The following FRMD4A variants were observed in gnomAD, a reference collection of about 807,000 sequenced individuals.
FRMD4A encodes the protein FERM domain-containing protein 4A.
Under a neutral mutation model 129.1 loss-of-function variants are expected in FRMD4A, and 29 were observed. That is an observed-to-expected ratio of 0.22 (90% CI 0.17 to 0.31). FRMD4A has a LOEUF of 0.31. FRMD4A is among the 10% of genes least tolerant of loss of function. FRMD4A has a pLI of 1.00. For missense variants in FRMD4A, 1,272 were observed against 1,375.8 expected (o/e 0.92, Z 1.19); for synonymous variants, 634 against 571.6 (o/e 1.11, Z -1.56).
chr10:14,164,442 A>G (rs1400754019), intron 2 of FRMD4A, among the ~76,000 whole-genome samples: 1 of 152,210 alleles, frequency 6.6e-6, no homozygotes. Flanking sequence ...CGGTGTCTAC[A>G]GTAAGGCTAT....
intron 2 of FRMD4A, among the ~76,000 whole-genome samples, chr10:14,323,674 C>G (rs1843152796): frequency 6.6e-6 from 1 of 152,150 alleles, no homozygotes; most frequent in Non-Finnish European, 1.5e-5. Flanking sequence ...TTTTCCCACC[C>G]CATGTAATTC....
chr10:13,804,714 CT>C (rs35111872), intron 4 of FRMD4A, among the ~76,000 whole-genome samples: 59,662 of 127,576 alleles, frequency 0.47, 12,853 homozygotes, highest in African/African-American at 0.55. Flanking sequence ...CCAGCTAATT[CT>C]TTTTTTTTTT....
In FRMD4A at chr10:13,999,499, C is replaced by T. The variant is rs866575600; in HGVS notation, c.46-140587G>A. The stretch of plus-strand genomic sequence containing the variant: ...TATACTTCTAACCCTTATTGGTTTT[C>T]CTCATTAATGTTCCAATAGAGTGAT... On this transcript the variant is annotated intron_variant, in intron 2 of 24. Coordinates refer to ENST00000357447, the MANE Select transcript of FRMD4A (RefSeq NM_018027.5). Among the ~76,000 whole-genome samples, 3 of 152,278 alleles carry T rather than the reference C, an allele frequency of 2.0e-5. No individual in the cohort carries two copies. The East Asian group carries it at 5.8e-4, about 29-fold the overall frequency.
chr10:13,802,353 G>A (rs1192060171), intron 4 of FRMD4A, among the ~76,000 whole-genome samples: 1 of 152,182 alleles, frequency 6.6e-6, no homozygotes, highest in Non-Finnish European at 1.5e-5. Flanking sequence ...GACCCAGGGG[G>A]AGAATGACAC....
At chr10:13,798,327 G>T in intron 4 of FRMD4A, among the ~76,000 whole-genome samples, 1 of 152,118 alleles carries the variant, frequency 6.6e-6, no homozygotes, top group Non-Finnish European at 1.5e-5. Context: ...TAGGAGAATC[G>T]CTTGAACCCG....
Position 14,050,824 on chromosome 10 carries a change from G to A in FRMD4A, c.46-191912C>T, listed in dbSNP as rs145707419. Among the ~76,000 whole-genome samples the A allele has an allele frequency of 1.1e-4, 17 of 152,316 alleles. No individual in the cohort carries two copies. The East Asian group carries it at 2.9e-3, about 26-fold the overall frequency. On this transcript the variant is annotated intron_variant, in intron 2 of 24. Transcript: ENST00000357447. ...CCCAGAAAGGGCCTAGCAGCTCCAC[G>A]CCCTCCCGCATGCCCTGCCCAGTGC...
Position 14,138,125 on chromosome 10 carries a change from C to T in FRMD4A, c.45+191933G>A, listed in dbSNP as rs183986750. ...GGAAAATGGGTCATTGCATTTTCTACTAGTGCTGGACCTAGAATAAATCAA... is the reference window on the plus strand; with the variant it reads ...GGAAAATGGGTCATTGCATTTTCTATTAGTGCTGGACCTAGAATAAATCAA... On this transcript the variant is annotated intron_variant, in intron 2 of 24. Transcript: ENST00000357447. Among the ~76,000 whole-genome samples, 15 of 152,324 alleles carry T rather than the reference C, an allele frequency of 9.8e-5. No homozygotes were observed. In the East Asian group the frequency reaches 1.4e-3, roughly 14 times the overall value.
intron 6 of FRMD4A, among the ~76,000 whole-genome samples, chr10:13,766,641 C>T (rs1192336466): frequency 2.6e-5 from 4 of 152,146 alleles, no homozygotes. Flanking sequence ...TTGCCCAATT[C>T]CCCAATGTCA....
chr10:13,955,713 G>C (rs1026030643), intron 2 of FRMD4A, among the ~76,000 whole-genome samples: 2 of 152,162 alleles, frequency 1.3e-5, no homozygotes, highest in East Asian at 3.8e-4. Flanking sequence ...GCCCTGCCGG[G>C]GTCTACTTTG....
intron 2 of FRMD4A, chr10:13,891,682 C>T: frequency 1.0e-6 from 1 of 985,262 alleles, no homozygotes; most frequent in Non-Finnish European, 1.2e-6. Flanking sequence ...GCGGCTGGTA[C>T]CCCGGAACGG....
In FRMD4A at chr10:13,858,917, G is replaced by C. The variant is rs772441093; in HGVS notation, c.46-5C>G. 11 of 1,574,108 alleles carry C rather than the reference G, an allele frequency of 7.0e-6. No individual in the cohort carries two copies. In the African/African-American group the frequency reaches 1.5e-4, roughly 21 times the overall value. ...ACATCGGCGGCCCTCCGTCATCTAA[G>C]AGGGAAGAGAAATGGTAGTCACTGA... is the stretch of plus-strand genomic sequence containing the variant. On this transcript the variant is annotated splice_region_variant and splice_polypyrimidine_tract_variant and intron_variant, in intron 2 of 24. Transcript: ENST00000357447.
intron 2 of FRMD4A, among the ~76,000 whole-genome samples, chr10:13,889,543 A>T (rs2094669908): frequency 6.6e-6 from 1 of 152,236 alleles, no homozygotes; most frequent in African/African-American, 2.4e-5. Context: ...GCCACCTGCC[A>T]GGTTATCAGG....
intron 2 of FRMD4A, among the ~76,000 whole-genome samples, chr10:14,240,408 G>C (rs779946991): frequency 5.9e-5 from 9 of 152,238 alleles, no homozygotes; most frequent in Non-Finnish European, 1.2e-4. Context: ...AAGCCTGCTG[G>C]TGTATGATGA....
chr10:14,249,068 C>T (rs984432826), intron 2 of FRMD4A, among the ~76,000 whole-genome samples: 1 of 152,022 alleles, frequency 6.6e-6, no homozygotes, highest in Non-Finnish European at 1.5e-5. Flanking sequence ...TTAAAATAAC[C>T]GGCCGGATGC....
chr10:14,214,559 C>T (rs774113570), intron 2 of FRMD4A, among the ~76,000 whole-genome samples: 14 of 152,194 alleles, frequency 9.2e-5, no homozygotes, highest in Non-Finnish European at 1.3e-4. Flanking sequence ...TATACATTAT[C>T]TTGTACAGCA....
intron 2 of FRMD4A, among the ~76,000 whole-genome samples, chr10:14,155,582 G>C (rs896873755): frequency 6.6e-6 from 1 of 152,140 alleles, no homozygotes; most frequent in Non-Finnish European, 1.5e-5. Flanking sequence ...ACATTGTTAT[G>C]AGTTTTATGT....
intron 12 of FRMD4A, among the ~76,000 whole-genome samples, chr10:13,718,309 G>A (rs2089055189): frequency 6.6e-6 from 1 of 152,260 alleles, no homozygotes; most frequent in South Asian, 2.1e-4. Flanking sequence ...CTGGGAGAAG[G>A]AACGCTTGCG....
chr10:13,785,590 AT>A (rs902924910), intron 5 of FRMD4A, among the ~76,000 whole-genome samples: 7 of 152,012 alleles, frequency 4.6e-5, no homozygotes, highest in African/African-American at 1.7e-4. Context: ...TCTTTTTTAA[AT>A]TTTTTTATTT....
chr10:14,018,267 G>C (rs1357119999), intron 2 of FRMD4A, among the ~76,000 whole-genome samples: 1 of 149,142 alleles, frequency 6.7e-6, no homozygotes, highest in Non-Finnish European at 1.5e-5. Flanking sequence ...CTAACATGGT[G>C]AAACCCCGTC....
Sources: allele counts gnomAD v4.1 joint callset (sites outside exome capture counted in the v4.1 genomes callset), GRCh38; gene constraint gnomAD v4.1.1; transcripts MANE v1.5; gene names NCBI Gene and HGNC (gene_info 2026-07-23, HGNC 2026-07-21).